The following NFIB variants were observed in gnomAD, a reference collection of about 807,000 sequenced individuals.
NFIB encodes the protein nuclear factor 1 B-type.
NFIB carries 11 observed loss-of-function variants against 61.5 expected under a neutral mutation model. That is an observed-to-expected ratio of 0.18 (90% confidence interval 0.11 to 0.30). The LOEUF (loss-of-function observed/expected upper bound fraction) is 0.30, where lower values mean the gene tolerates loss of function less well. Ranked by LOEUF, NFIB falls within the 10% of genes least tolerant of loss-of-function variation. The pLI, the probability that NFIB is intolerant of heterozygous loss-of-function variation, is 1.00. For synonymous variants in NFIB, 260 were observed against 216.5 expected (o/e 1.20, Z -1.76); for missense variants, 471 against 608.9 (o/e 0.77, Z 2.38).
chr9:14,420,799 G>C, the NFIB span, among the ~76,000 whole-genome samples: 2 of 152,138 alleles, frequency 1.3e-5, no homozygotes, highest in South Asian at 2.1e-4. Context: ...CCTACCAGGG[G>C]AAATGGGTTG....
chr9:14,278,024 G>A (rs766885553), intron 2 of NFIB, among the ~76,000 whole-genome samples: 10 of 152,138 alleles, frequency 6.6e-5, no homozygotes, highest in Non-Finnish European at 1.3e-4. Context: ...GCCTCATGCT[G>A]TAGTCACTCT....
chr9:14,478,658 C>A, the NFIB span, among the ~76,000 whole-genome samples: 2 of 152,138 alleles, frequency 1.3e-5, no homozygotes, highest in Non-Finnish European at 1.5e-5. Flanking sequence ...CTTAAATCAA[C>A]CTTACTCTTT....
chr9:14,129,848 T>A (rs891128300), intron 6 of NFIB, among the ~76,000 whole-genome samples: 1 of 152,114 alleles, frequency 6.6e-6, no homozygotes, highest in East Asian at 1.9e-4. Context: ...ATAAGTTGAA[T>A]AATACATAAA....
At chr9:14,410,481 T>C in the NFIB span, among the ~76,000 whole-genome samples, 1 of 152,126 alleles carries the variant, frequency 6.6e-6, no homozygotes, top group Non-Finnish European at 1.5e-5. Context: ...GTTAGGAGAT[T>C]TGGGAAGAGT....
At chr9:14,275,599 G>A (rs984706973) in intron 2 of NFIB, among the ~76,000 whole-genome samples, 4 of 151,888 alleles carry the variant, frequency 2.6e-5, no homozygotes, top group African/African-American at 9.7e-5. Context: ...CACACCCAGG[G>A]GCTTATATCC....
chr9:14,274,836 T>C (rs1425226625), intron 2 of NFIB, among the ~76,000 whole-genome samples: 1 of 152,206 alleles, frequency 6.6e-6, no homozygotes, highest in Non-Finnish European at 1.5e-5. Flanking sequence ...TTTGGAAACA[T>C]TGTTTCAGAA....
intron 2 of NFIB, among the ~76,000 whole-genome samples, chr9:14,278,277 A>G (rs1490264314): frequency 6.6e-6 from 1 of 152,244 alleles, no homozygotes; most frequent in African/African-American, 2.4e-5. Context: ...TGTCCAACAG[A>G]AAAGTTCACA....
At chr9:14,392,206 T>G (rs1314839306) in intron 1 of NFIB, among the ~76,000 whole-genome samples, 2 of 152,190 alleles carry the variant, frequency 1.3e-5, no homozygotes, top group African/African-American at 4.8e-5. Flanking sequence ...CGTGGCATCC[T>G]GGATGTGACC....
chr9:14,100,054 G>C (rs752028666), intron 10 of NFIB, among the ~76,000 whole-genome samples: 11 of 151,836 alleles, frequency 7.2e-5, no homozygotes, highest in Non-Finnish European at 1.6e-4. Flanking sequence ...GCCTGGGTGA[G>C]GAAGTGAGAC....
chr9:14,485,731 C>T, the NFIB span, among the ~76,000 whole-genome samples: 2 of 151,998 alleles, frequency 1.3e-5, no homozygotes, highest in East Asian at 1.9e-4. Flanking sequence ...AAAAGTTAGT[C>T]GGGTGTTGTG....
At chr9:14,088,648 C>G (rs73409921) in intron 10 of NFIB, among the ~76,000 whole-genome samples, 12,505 of 152,018 alleles carry the variant, frequency 0.082, 1,721 homozygotes, top group African/African-American at 0.28. Flanking sequence ...AATGCAATAT[C>G]ATTCTTTTTT....
At chr9:14,090,453 T>C (rs1053564165) in intron 10 of NFIB, among the ~76,000 whole-genome samples, 1 of 152,146 alleles carries the variant, frequency 6.6e-6, no homozygotes, top group Admixed American at 6.6e-5. Context: ...CTGCACTTTG[T>C]ACATGGTCCT....
At chr9:14,482,700 A>G in the NFIB span, among the ~76,000 whole-genome samples, 1 of 152,188 alleles carries the variant, frequency 6.6e-6, no homozygotes, top group African/African-American at 2.4e-5. Context: ...ATTTCTCCCA[A>G]ATGAACCACA....
chr9:14,206,875 T>C (rs1435369323), intron 2 of NFIB, among the ~76,000 whole-genome samples: 2 of 152,150 alleles, frequency 1.3e-5, no homozygotes, highest in East Asian at 1.9e-4. Flanking sequence ...GTGCAACGCA[T>C]ATAAAATTGT....
intron 1 of NFIB, among the ~76,000 whole-genome samples, chr9:14,385,258 G>A (rs2061536478): frequency 6.6e-6 from 1 of 152,124 alleles, no homozygotes; most frequent in Admixed American, 6.5e-5. Context: ...CCAAGATCAG[G>A]CCGCATAGTA....
At chr9:14,109,334 T>A (rs142387126) in intron 10 of NFIB, among the ~76,000 whole-genome samples, 1 of 152,002 alleles carries the variant, frequency 6.6e-6, no homozygotes, top group African/African-American at 2.4e-5. Flanking sequence ...GCACAATGTG[T>A]TCGTGAATTA....
chr9:14,246,410 G>T (rs1466999723), intron 2 of NFIB, among the ~76,000 whole-genome samples: 1 of 152,000 alleles, frequency 6.6e-6, no homozygotes, highest in Non-Finnish European at 1.5e-5. Context: ...ATGCCTCTCT[G>T]CCCTTCACCC....
the NFIB span, among the ~76,000 whole-genome samples, chr9:14,419,052 A>T: frequency 2.0e-4 from 30 of 151,986 alleles, no homozygotes; most frequent in Non-Finnish European, 4.0e-4. Context: ...TCTATCGGCA[A>T]CCTGCAAAGT....
Position 14,359,330 on chromosome 9 carries a change from T to C in NFIB, c.108+39194A>G, listed in dbSNP as rs920196194. Among the ~76,000 whole-genome samples the C allele has an allele frequency of 2.0e-5, 3 of 152,236 alleles. No individual in the cohort carries two copies. In the East Asian group the frequency reaches 5.8e-4, roughly 29 times the overall value. On this transcript the variant is annotated intron_variant, in intron 1 of 8. Coordinates refer to the NFIB transcript ENST00000380934. ...TTATCCATGTGGGCTCTATATACAA[T>C]CATGTGTACCCTTATGGGATAAAGG...
Sources: gnomAD v4.1 joint callset for allele counts (sites outside exome capture counted in the v4.1 genomes callset) on GRCh38, gnomAD v4.1.1 for gene constraint, MANE v1.5 for transcripts, NCBI Gene and HGNC (gene_info 2026-07-23, HGNC 2026-07-21) for gene names.